DOP1B: variants seen among roughly 807,000 people sequenced by gnomAD.
DOP1B encodes DOP1 leucine zipper like protein B, also known as protein DOP1B.
DOP1B carries 174 observed loss-of-function variants against 233.5 expected under a neutral mutation model. That is an observed-to-expected ratio of 0.75 (90% CI 0.66 to 0.85). DOP1B has a LOEUF of 0.85. Ranked by LOEUF, DOP1B falls within the 40% of genes least tolerant of loss-of-function variation. DOP1B has a pLI of 0.00. For missense variants in DOP1B, 2,652 were observed against 2,846.6 expected (o/e 0.93, Z 1.56); for synonymous variants, 1,190 against 1,185.6 (o/e 1.00, Z -0.08).
At chr21:36,252,564 A>G (rs1472146176) in intron 22 of DOP1B, among the ~76,000 whole-genome samples, 3 of 137,240 alleles carry the variant, frequency 2.2e-5, no homozygotes, top group Non-Finnish European at 4.7e-5. Context: ...TTTTTTTTCT[A>G]TTGAGACAGA....
chr21:36,164,648 G>C (rs1437868983), intron 1 of DOP1B, 60 bp from the exon 2 acceptor site: 1 of 1,365,690 alleles, frequency 7.3e-7, no homozygotes, highest in East Asian at 2.6e-5. Context: ...GCTCTGGGTT[G>C]GGAATGATTT....
In DOP1B at chr21:36,275,141, G is replaced by A. The variant is rs185967920; in HGVS notation, c.5633-1880G>A. Among the ~76,000 whole-genome samples, 75 of 151,518 alleles carry A rather than the reference G, an allele frequency of 4.9e-4. No individual in the cohort carries two copies. In the East Asian group the frequency reaches 0.013, roughly 26 times the overall value. On this transcript the variant is annotated intron_variant, in intron 27 of 36. Transcript: ENST00000691173. ...ATTACAGGCCTGAACCACTGCACCCGGCCTGATTTGTTTTTAAATGGAGGA... is the reference window on the plus strand; with the variant it reads ...ATTACAGGCCTGAACCACTGCACCCAGCCTGATTTGTTTTTAAATGGAGGA...
rs368487458 is a variant in DOP1B, at chr21:36,200,506, G to A, written c.491+5G>A. The A allele has an allele frequency of 2.5e-6, 4 of 1,600,254 alleles. No homozygotes were observed. The highest frequency in any genetic ancestry group is 1.3e-5 in the African/African-American group (1 of 74,630). ...GGGCTCCGAGATCTCCGACAGGTGCGTGGGCGTCTTGTCCAGGCTGTGTTT... is the reference window on the plus strand; with the variant it reads ...GGGCTCCGAGATCTCCGACAGGTGCATGGGCGTCTTGTCCAGGCTGTGTTT... On this transcript the variant is annotated splice_donor_5th_base_variant and intron_variant, in intron 4 of 36. Coordinates refer to ENST00000691173, the MANE Select transcript of DOP1B (RefSeq NM_001320714.2).
intron 16 of DOP1B, among the ~76,000 whole-genome samples, chr21:36,238,123 C>T (rs531028203): frequency 6.6e-5 from 10 of 152,234 alleles, no homozygotes; most frequent in South Asian, 2.1e-4. Context: ...GCCGAGATCG[C>T]GCCACTGCAC....
At chr21:36,279,296 T>C (rs1168596762) in intron 30 of DOP1B, among the ~76,000 whole-genome samples, 1 of 150,868 alleles carries the variant, frequency 6.6e-6, no homozygotes, top group South Asian at 2.1e-4. Flanking sequence ...CATATGCCTG[T>C]GGTCCCAGCT....
intron 30 of DOP1B, among the ~76,000 whole-genome samples, chr21:36,278,894 G>T (rs904177225): frequency 6.6e-6 from 1 of 151,704 alleles, no homozygotes; most frequent in South Asian, 2.1e-4. Flanking sequence ...CAGAACTTGG[G>T]GTTCCAGTGA....
intron 2 of DOP1B, among the ~76,000 whole-genome samples, chr21:36,171,341 G>A (rs2065970276): frequency 1.3e-5 from 2 of 152,218 alleles, no homozygotes; most frequent in African/African-American, 2.4e-5. Flanking sequence ...CTTGCCCAGT[G>A]TCTTATGGCA....
intron 2 of DOP1B, among the ~76,000 whole-genome samples, chr21:36,184,980 T>C (rs1233296651): frequency 6.6e-6 from 1 of 152,212 alleles, no homozygotes; most frequent in African/African-American, 2.4e-5. Context: ...TATTGAGTTC[T>C]ACCAGTAGAA....
At chr21:36,292,273 G>GTTT (rs1569075433) in intron 36 of DOP1B, 40 bp downstream of exon 36, 545 of 1,380,866 alleles carry the variant, frequency 3.9e-4, no homozygotes, top group African/African-American at 2.5e-3. Context: ...TTTTTTTTTG[G>GTTT]TGAGACAGAG....
chr21:36,227,711 A>G lies in DOP1B; in HGVS notation c.1499A>G (p.Gln500Arg), dbSNP rs1476476128. Residue 500 changes from glutamine (Q) to arginine (R), a missense_variant, in exon 13 of 37, where the codon CAG (glutamine) becomes CGG (arginine). Gln to Arg is a conservative substitution (Grantham distance 43). Coordinates refer to ENST00000691173, the MANE Select transcript of DOP1B (RefSeq NM_001320714.2). ...PLELYSEVQTQYLPQVLGCLV... is the reference protein window; with the variant it reads ...PLELYSEVQTRYLPQVLGCLV... ...GAACTTTACTCTGAGGTGCAAACCC[A>G]GTATCTCCCTCAGGTGCTCGGCTGC... 5 of 1,580,418 alleles carry G rather than the reference A, an allele frequency of 3.2e-6. No homozygotes were observed. Among genetic ancestry groups the G allele is most frequent in the Non-Finnish European group, 4.3e-6 (5 of 1,158,952 alleles).
intron 2 of DOP1B, among the ~76,000 whole-genome samples, chr21:36,177,081 G>A (rs1022203256): frequency 1.1e-4 from 16 of 152,154 alleles, no homozygotes; most frequent in Non-Finnish European, 5.9e-5. Flanking sequence ...CCAAAGTGCT[G>A]GGATTACAGG....
chr21:36,289,317 T>C (rs1378774546), intron 35 of DOP1B, 111 bp downstream of exon 35: 5 of 1,162,312 alleles, frequency 4.3e-6, no homozygotes, highest in Non-Finnish European at 6.1e-6. Context: ...ACCATCTGGG[T>C]TTCTAGTGAC....
intron 9 of DOP1B, among the ~76,000 whole-genome samples, chr21:36,216,591 A>G (rs888451536): frequency 3.9e-5 from 6 of 152,212 alleles, no homozygotes; most frequent in African/African-American, 1.4e-4. Flanking sequence ...AGCCTGGGCA[A>G]CAGAGTGAGA....
intron 26 of DOP1B, among the ~76,000 whole-genome samples, chr21:36,268,596 T>A (rs1569062264): frequency 1.3e-5 from 2 of 152,364 alleles, no homozygotes; most frequent in South Asian, 2.1e-4. Flanking sequence ...AAAGTATTAT[T>A]TGGGAACTGA....
chr21:36,161,029 G>A (rs13046887), intron 1 of DOP1B, among the ~76,000 whole-genome samples: 6,591 of 152,298 alleles, frequency 0.043, 191 homozygotes, highest in Non-Finnish European at 0.064. Context: ...AGAAGAGAAG[G>A]AAGAGTCTAG....
chr21:36,250,850 AG>A (rs2067024347), intron 21 of DOP1B, among the ~76,000 whole-genome samples: 1 of 152,180 alleles, frequency 6.6e-6, no homozygotes, highest in African/African-American at 2.4e-5. Context: ...CACAGCAGCA[AG>A]GGTGATATTC....
intron 2 of DOP1B, among the ~76,000 whole-genome samples, chr21:36,166,586 G>A (rs183651437): frequency 3.5e-4 from 53 of 152,260 alleles, no homozygotes; most frequent in Non-Finnish European, 4.4e-5. Context: ...ACTTTCAAGT[G>A]CTCAGATGAC....
chr21:36,246,648 T>C lies in DOP1B; in HGVS notation c.4668T>C (p.Tyr1556=), dbSNP rs200156092. Residue 1556 remains tyrosine, a synonymous_variant, in exon 19 of 37, where the codon TAT becomes TAC. Coordinates refer to ENST00000691173, the MANE Select transcript of DOP1B (RefSeq NM_001320714.2). This position sits in a 1 kb window ranked among gnomAD's most constrained non-coding sequence, Gnocchi z 5.1. ...ACTTGGATGACTTGGTCAAGCAGTATGAAAGCGAATCTGTGAAGCTCTCTG... is the reference window on the plus strand; with the variant it reads ...ACTTGGATGACTTGGTCAAGCAGTACGAAAGCGAATCTGTGAAGCTCTCTG... ...CKNLDDLVKQ[Y]ESESVKLSVS... is the part of the protein sequence containing the mutation. 1.6e-5 allele frequency: 26 copies of C among 1,612,578 alleles called. No individual in the cohort carries two copies. Among genetic ancestry groups the C allele is most frequent in the Admixed American group, 1.2e-4 (7 of 59,992 alleles).
At chr21:36,282,154 C>T (rs34869591) in intron 32 of DOP1B, among the ~76,000 whole-genome samples, 4,946 of 152,310 alleles carry the variant, frequency 0.032, 109 homozygotes, top group Non-Finnish European at 0.046. Context: ...GGTACAGTGG[C>T]TCATGCCTGT....
Sources: gnomAD v4.1 joint callset for allele counts (sites outside exome capture counted in the v4.1 genomes callset) on GRCh38, gnomAD v4.1.1 for gene constraint, Gnocchi (gnomAD v3.1) non-coding constraint, MANE v1.5 for transcripts, NCBI Gene and HGNC (gene_info 2026-07-23, HGNC 2026-07-21) for gene names.